The following HEATR4 variants were observed in gnomAD, a reference collection of about 807,000 sequenced individuals.
HEATR4 encodes the protein HEAT repeat-containing protein 4.
HEATR4 carries 95 observed loss-of-function variants against 108.8 expected under a neutral mutation model. The ratio of observed to expected loss-of-function variants is 0.87; its 90% CI spans 0.74 to 1.04. HEATR4 has a LOEUF of 1.04. HEATR4 is among the 50% of genes least tolerant of loss of function. The pLI, the probability that HEATR4 is intolerant of heterozygous loss-of-function variation, is 0.00. For missense variants in HEATR4, 1,152 were observed against 1,253.8 expected, an observed-to-expected ratio of 0.92 and a Z score of 1.23; for synonymous variants, 443 against 459.4, an observed-to-expected ratio of 0.96 and a Z score of 0.46.
At chr14:73,574,784 T>G in the HEATR4 span, 1 of 1,530,258 alleles carries the variant, frequency 6.5e-7, no homozygotes, top group Non-Finnish European at 8.9e-7. Flanking sequence ...AAGTTGCAAA[T>G]CTGGGTAAAT....
the HEATR4 span, chr14:73,569,830 G>C: frequency 6.3e-7 from 1 of 1,598,460 alleles, no homozygotes; most frequent in East Asian, 2.3e-5. Flanking sequence ...CCCGGGGTGC[G>C]GCGCGAGCCG....
chr14:73,520,996 G>T lies in HEATR4; in HGVS notation c.925C>A (p.Pro309Thr). ...FQQAETVEIM[P>T]GNKSTEDIHE... Reference sequence around the variant, plus strand: ...ATATCCTCAGTGCTCTTGTTGCCAGGCATGATCTCAACTGTCTCTGCTTGT... The same window carrying T: ...ATATCCTCAGTGCTCTTGTTGCCAGTCATGATCTCAACTGTCTCTGCTTGT... Residue 309 changes from proline (P) to threonine (T), a missense_variant, in exon 4 of 18, where the codon CCT (proline) becomes ACT (threonine). Physicochemically the swap from Pro to Thr is conservative, Grantham distance 38. Transcript: ENST00000553558. 1 of 1,613,764 alleles carries T rather than the reference G, an allele frequency of 6.2e-7. No individual in the cohort carries two copies. The highest frequency in any genetic ancestry group is 8.5e-7 in the Non-Finnish European group (1 of 1,179,988).
upstream of HEATR4, among the ~76,000 whole-genome samples, chr14:73,559,865 G>A (rs1172705341): frequency 4.6e-5 from 7 of 152,106 alleles, no homozygotes; most frequent in South Asian, 2.1e-4. Flanking sequence ...TCTGGCAGGC[G>A]TCAGATTACC....
At chr14:73,502,812 G>T in intron 11 of HEATR4, 83 bp downstream of exon 11, 1 of 1,006,780 alleles carries the variant, frequency 9.9e-7, no homozygotes, top group Non-Finnish European at 1.6e-6. Context: ...TTCCCAAAGT[G>T]TTGGGAGCCA....
chr14:73,596,237 G>GTGGC, the HEATR4 span: 2 of 152,506 alleles, frequency 1.3e-5, no homozygotes, highest in African/African-American at 4.8e-5. Context: ...GCCGAGTACA[G>GTGGC]TGGCTCACAC....
the HEATR4 span, among the ~76,000 whole-genome samples, chr14:73,599,696 T>C: frequency 6.6e-6 from 1 of 152,178 alleles, no homozygotes; most frequent in African/African-American, 2.4e-5. Context: ...ATACATACTA[T>C]CACTCTCCCA....
chr14:73,509,572 G>C (rs1566831882), intron 7 of HEATR4, 99 bp from the exon 8 acceptor site: 1 of 1,170,044 alleles, frequency 8.5e-7, no homozygotes, highest in Non-Finnish European at 1.3e-6. Flanking sequence ...CTCAGTCCCA[G>C]CTGCAGTTGC....
intron 8 of HEATR4, 55 bp downstream of exon 8, chr14:73,509,257 A>T: frequency 6.6e-7 from 1 of 1,523,272 alleles, no homozygotes; most frequent in Non-Finnish European, 9.1e-7. Context: ...GGGAAAGCTG[A>T]TAGTGAGATG....
intron 1 of HEATR4, among the ~76,000 whole-genome samples, 184 bp downstream of exon 1, chr14:73,558,567 G>C (rs560701662): frequency 1.4e-5 from 2 of 143,656 alleles, no homozygotes; most frequent in African/African-American, 5.2e-5. Flanking sequence ...TGTTGCTCAG[G>C]CTGGTCTTGA....
the HEATR4 span, among the ~76,000 whole-genome samples, chr14:73,587,160 G>A: frequency 6.6e-6 from 1 of 150,680 alleles, no homozygotes; most frequent in Non-Finnish European, 1.5e-5. Context: ...AAAAAAAGAT[G>A]ATTTCTTCAG....
chr14:73,610,566 C>T, the HEATR4 span, among the ~76,000 whole-genome samples: 1 of 152,166 alleles, frequency 6.6e-6, no homozygotes, highest in Admixed American at 6.6e-5. Flanking sequence ...GCTGGGATTA[C>T]AGGCATTAGC....
intron 7 of HEATR4, among the ~76,000 whole-genome samples, chr14:73,510,775 A>G (rs1887202220): frequency 6.6e-6 from 1 of 152,146 alleles, no homozygotes; most frequent in African/African-American, 2.4e-5. Context: ...CATTCCACAG[A>G]GTCTTGGGGA....
At chr14:73,506,097 G>C (rs1296119110) in intron 10 of HEATR4, among the ~76,000 whole-genome samples, 2 of 151,614 alleles carry the variant, frequency 1.3e-5, no homozygotes, top group Non-Finnish European at 2.9e-5. Flanking sequence ...CACCATGTTG[G>C]TCAGGCTGGT....
chr14:73,592,377 C>T, the HEATR4 span: 2 of 1,564,798 alleles, frequency 1.3e-6, no homozygotes, highest in Non-Finnish European at 1.7e-6. Flanking sequence ...CCAGTCGGTG[C>T]GAGCGGGCCG....
chr14:73,590,051 T>C, the HEATR4 span, among the ~76,000 whole-genome samples: 2 of 152,126 alleles, frequency 1.3e-5, no homozygotes, highest in African/African-American at 4.8e-5. Context: ...CTACCTTTAT[T>C]ACAAAACTAA....
chr14:73,550,276 A>T (rs1889299321), intron 1 of HEATR4, among the ~76,000 whole-genome samples: 1 of 113,034 alleles, frequency 8.8e-6, no homozygotes, highest in African/African-American at 2.9e-5. Flanking sequence ...CGACCATGGC[A>T]CCCATACAGT....
chr14:73,620,541 C>T, the HEATR4 span, among the ~76,000 whole-genome samples: 3 of 151,952 alleles, frequency 2.0e-5, no homozygotes, highest in African/African-American at 7.2e-5. Context: ...ACTGCCCACT[C>T]GATTGCCTTA....
At chr14:73,583,173 C>G in the HEATR4 span, among the ~76,000 whole-genome samples, 1 of 151,944 alleles carries the variant, frequency 6.6e-6, no homozygotes, top group Non-Finnish European at 1.5e-5. Context: ...GAAACACCGT[C>G]TGTACTAAAA....
the HEATR4 span, among the ~76,000 whole-genome samples, chr14:73,626,365 A>G: frequency 6.6e-6 from 1 of 152,182 alleles, no homozygotes; most frequent in African/African-American, 2.4e-5. Context: ...CATGGAGTTC[A>G]CAAGCTGTAG....
Sources: allele counts gnomAD v4.1 joint callset (sites outside exome capture counted in the v4.1 genomes callset), GRCh38; gene constraint gnomAD v4.1.1; transcripts MANE v1.5; gene names NCBI Gene and HGNC (gene_info 2026-07-23, HGNC 2026-07-21).